RAB3B: variants seen among roughly 807,000 people sequenced by gnomAD.
RAB3B encodes the protein RAB3B, member RAS oncogene family.
RAB3B carries 11 observed loss-of-function variants against 20.5 expected under a neutral mutation model. The observed-to-expected ratio is 0.54, with a 90% CI of 0.34 to 0.89. RAB3B has a LOEUF of 0.89. Ranked by LOEUF, RAB3B falls within the 40% of genes least tolerant of loss-of-function variation. The pLI is 0.02. For synonymous variants in RAB3B, 99 were observed against 106.3 expected, an observed-to-expected ratio of 0.93 and a Z score of 0.42; for missense variants, 225 against 280.9, an observed-to-expected ratio of 0.80 and a Z score of 1.42.
At chr1:51,925,588 A>G (rs1461677803) in intron 4 of RAB3B, among the ~76,000 whole-genome samples, 1 of 152,064 alleles carries the variant, frequency 6.6e-6, no homozygotes, top group Non-Finnish European at 1.5e-5. Context: ...GTGCTTCCTG[A>G]TTTTGTGCCA....
At chr1:51,975,290 G>A (rs1002936178) in intron 2 of RAB3B, among the ~76,000 whole-genome samples, 15 of 152,116 alleles carry the variant, frequency 9.9e-5, no homozygotes, top group African/African-American at 3.6e-4. Flanking sequence ...TTCCAATCCA[G>A]GTACTAATTC....
rs186729741 is a variant in RAB3B, at chr1:51,942,192, G to A, written c.229-4780C>T. ...AGAAGCCCAGGCAGGATTTCTGAGCGCCTGCACTGCCATCAGGCCTGAGCT... is the reference window on the plus strand; with the variant it reads ...AGAAGCCCAGGCAGGATTTCTGAGCACCTGCACTGCCATCAGGCCTGAGCT... On this transcript the variant is annotated intron_variant, in intron 2 of 4. Transcript: ENST00000371655. Among the ~76,000 whole-genome samples the A allele has an allele frequency of 1.5e-3, 228 of 152,260 alleles. 2 individuals carry two copies. Among genetic ancestry groups the A allele is most frequent in the Admixed American group, 4.8e-3 (74 of 15,296 alleles).
intron 1 of RAB3B, among the ~76,000 whole-genome samples, chr1:51,981,057 GTCTC>G (rs963613078): frequency 6.6e-6 from 1 of 151,980 alleles, no homozygotes; most frequent in African/African-American, 2.4e-5. Flanking sequence ...TTGAGACAGG[GTCTC>G]TCTCTGTCGC....
intron 4 of RAB3B, among the ~76,000 whole-genome samples, chr1:51,930,566 A>AAC (rs1251850291): frequency 6.6e-6 from 1 of 152,190 alleles, no homozygotes; most frequent in Admixed American, 6.5e-5. Flanking sequence ...TGTTAAAAAA[A>AAC]ACACACACAC....
intron 1 of RAB3B, among the ~76,000 whole-genome samples, chr1:51,984,347 A>ACATT (rs937242026): frequency 9.6e-5 from 14 of 145,204 alleles, no homozygotes; most frequent in Non-Finnish European, 1.5e-5. Context: ...TCAGTTGACT[A>ACATT]CATTATATTC....
At chr1:51,955,145 A>G (rs914182946) in intron 2 of RAB3B, among the ~76,000 whole-genome samples, 2 of 152,202 alleles carry the variant, frequency 1.3e-5, no homozygotes, top group African/African-American at 2.4e-5. Flanking sequence ...CCTTCTTGTC[A>G]TCTCATGAGT....
intron 2 of RAB3B, among the ~76,000 whole-genome samples, chr1:51,960,525 T>C (rs555474572): frequency 2.0e-5 from 3 of 152,202 alleles, no homozygotes; most frequent in African/African-American, 7.2e-5. Flanking sequence ...TGTGGGGCAA[T>C]GGTGTTGGGC....
chr1:51,989,201 T>C (rs1190433668), intron 1 of RAB3B, among the ~76,000 whole-genome samples: 2 of 135,048 alleles, frequency 1.5e-5, no homozygotes, highest in East Asian at 4.8e-4. Flanking sequence ...AGAGGGCCCA[T>C]CTTGTTTTGT....
At position 51,984,795 on chromosome 1, in the gene RAB3B, A is replaced by G. The variant is rs1045211796; in HGVS notation, c.-1+5757T>C. On this transcript the variant is annotated intron_variant, in intron 1 of 4. Transcript: ENST00000371655. ...TCAAAGAGTCACTACTAAAACATAA[A>G]TGTGATCTTTACCACAATTTCATAT... Among the ~76,000 whole-genome samples, 23 of 152,318 alleles carry G rather than the reference A, an allele frequency of 1.5e-4. No individual in the cohort carries two copies. The East Asian group carries it at 4.4e-3, about 29-fold the overall frequency.
At chr1:51,936,134 G>A (rs1684400752) in intron 3 of RAB3B, among the ~76,000 whole-genome samples, 1 of 152,214 alleles carries the variant, frequency 6.6e-6, no homozygotes, top group Non-Finnish European at 1.5e-5. Flanking sequence ...CACTGCTGCT[G>A]TGTGCCTGGT....
chr1:51,946,695 G>A (rs532288952), intron 2 of RAB3B, among the ~76,000 whole-genome samples: 2 of 152,260 alleles, frequency 1.3e-5, no homozygotes, highest in East Asian at 1.9e-4. Context: ...GAGCACTTTG[G>A]TAAGTGCTTT....
intron 4 of RAB3B, among the ~76,000 whole-genome samples, chr1:51,921,169 C>T (rs12118912): frequency 1.6e-4 from 24 of 152,136 alleles, no homozygotes; most frequent in Non-Finnish European, 2.8e-4. Flanking sequence ...AGTCCCCAGC[C>T]CTCTCCCACT....
At chr1:51,933,917 T>A (rs1336149431) in intron 3 of RAB3B, among the ~76,000 whole-genome samples, 1 of 152,222 alleles carries the variant, frequency 6.6e-6, no homozygotes, top group African/African-American at 2.4e-5. Flanking sequence ...TTAATTCAGC[T>A]GAGGACAGAC....
intron 3 of RAB3B, among the ~76,000 whole-genome samples, chr1:51,936,432 G>A (rs1397965702): frequency 6.6e-6 from 1 of 152,170 alleles, no homozygotes; most frequent in Non-Finnish European, 1.5e-5. Flanking sequence ...TAAGTGCTAT[G>A]TGGATTCACT....
chr1:51,982,427 G>A (rs984946673), intron 1 of RAB3B, among the ~76,000 whole-genome samples: 5 of 152,074 alleles, frequency 3.3e-5, no homozygotes, highest in East Asian at 1.9e-4. Context: ...AAGGCCATAC[G>A]GTGTATTTGT....
intron 2 of RAB3B, among the ~76,000 whole-genome samples, chr1:51,957,653 T>C (rs1684725626): frequency 6.6e-6 from 1 of 152,144 alleles, no homozygotes. Context: ...GTATAAACAG[T>C]CGTGTTCATT....
intron 2 of RAB3B, among the ~76,000 whole-genome samples, chr1:51,949,642 C>A (rs1684609856): frequency 6.6e-6 from 1 of 152,194 alleles, no homozygotes; most frequent in Non-Finnish European, 1.5e-5. Flanking sequence ...GGCAGGGGTG[C>A]CTGCAACCCC....
chr1:51,922,736 G>A (rs1477796786), intron 4 of RAB3B, among the ~76,000 whole-genome samples: 5 of 150,602 alleles, frequency 3.3e-5, no homozygotes, highest in South Asian at 2.1e-4. Context: ...TTGCTCTGTC[G>A]CCCAGGCTGG....
At position 51,957,927 on chromosome 1, in the gene RAB3B, A is replaced by C. The variant is rs570934784; in HGVS notation, c.228+18963T>G. ...CAACACACCGGTGGGGGAGGCCGGT[A>C]TCCTGAGAGGACATATTCTCTCCTC... On this transcript the variant is annotated intron_variant, in intron 2 of 4. Coordinates refer to ENST00000371655, the MANE Select transcript of RAB3B (RefSeq NM_002867.4). 1.1e-4 allele frequency among the ~76,000 whole-genome samples: 16 copies of C among 152,318 alleles called. No homozygotes were observed. The East Asian group carries it at 3.1e-3, about 29-fold the overall frequency.
Sources: gnomAD v4.1 joint callset for allele counts (sites outside exome capture counted in the v4.1 genomes callset) on GRCh38, gnomAD v4.1.1 for gene constraint, MANE v1.5 for transcripts, NCBI Gene and HGNC (gene_info 2026-07-23, HGNC 2026-07-21) for gene names.